Variants in EHMT1 observed in about 807,000 individuals in gnomAD.
EHMT1 encodes euchromatic histone lysine methyltransferase 1, also known as histone-lysine N-methyltransferase EHMT1.
A neutral mutation model predicts 147.2 loss-of-function variants in EHMT1; 15 were observed. That is an observed-to-expected ratio of 0.10 (90% confidence interval 0.07 to 0.16). EHMT1 has a LOEUF of 0.16. EHMT1 is among the 10% of genes least tolerant of loss of function. EHMT1 has a pLI of 1.00. For missense variants in EHMT1, 1,587 were observed against 1,772.4 expected, an observed-to-expected ratio of 0.90 and a Z score of 1.88; for synonymous variants, 795 against 709.6, an observed-to-expected ratio of 1.12 and a Z score of -1.91.
Position 137,716,548 on chromosome 9 carries a change from G to T in EHMT1, c.86-78G>T, listed in dbSNP as rs551904452. 4 of 1,401,078 alleles carry T rather than the reference G, an allele frequency of 2.9e-6. No homozygotes were observed. The East Asian group carries it at 6.9e-5, about 24-fold the overall frequency. 86.8% of individuals were successfully genotyped at this position (1,401,078 alleles called of 1,614,324 possible). On this transcript the variant is annotated intron_variant, in intron 2 of 26. Transcript: ENST00000460843. ...GAGGAAGTTGTGGTGGTGTCATGGT[G>T]GGGGAGGAAGTGGTGGTGGTGGTGG...
At chr9:137,708,957 G>T (rs1246366488) in intron 1 of EHMT1, among the ~76,000 whole-genome samples, 1 of 152,218 alleles carries the variant, frequency 6.6e-6, no homozygotes. Context: ...GATGTGGAAC[G>T]CTGGAGAGCT....
chr9:137,805,224 C>T (rs1953845953), intron 18 of EHMT1, among the ~76,000 whole-genome samples: 1 of 151,950 alleles, frequency 6.6e-6, no homozygotes, highest in African/African-American at 2.4e-5. Flanking sequence ...GTCAGTCGTC[C>T]ATGTGTCAGT....
At chr9:137,806,207 C>T (rs772848377) in intron 18 of EHMT1, among the ~76,000 whole-genome samples, 5 of 152,026 alleles carry the variant, frequency 3.3e-5, no homozygotes, top group South Asian at 2.1e-4. Context: ...GTGATCTGCC[C>T]GCTTTGGCCT....
intron 10 of EHMT1, among the ~76,000 whole-genome samples, chr9:137,773,289 G>A (rs1277203425): frequency 1.3e-5 from 2 of 149,214 alleles, no homozygotes; most frequent in African/African-American, 5.0e-5. Context: ...CCTGAACCAG[G>A]GAGTCACTGC....
intron 1 of EHMT1, among the ~76,000 whole-genome samples, chr9:137,675,922 T>C (rs917252845): frequency 1.3e-5 from 2 of 149,530 alleles, no homozygotes; most frequent in African/African-American, 4.9e-5. Context: ...TAGCTGGGAC[T>C]ACAGGCGCCC....
rs549405137 is a variant in EHMT1, at chr9:137,782,162, G to A, written c.2276-129G>A. 2.8e-5 allele frequency: 23 copies of A among 817,778 alleles called. No homozygotes were observed. The highest frequency in any genetic ancestry group is 2.2e-4 in the African/African-American group (13 of 59,254). The allele number at this position is 817,778 out of a possible 1,614,324, so 50.7% of individuals were successfully genotyped here. ...GAGGATGGTGCTGTGGGCGGGTTCC[G>A]GCGTGGCTCGAGGTGGCTGTTTATG... On this transcript the variant is annotated intron_variant, in intron 14 of 26. Transcript: ENST00000460843. The surrounding 1 kb of genome is among the most constrained non-coding windows in gnomAD (Gnocchi z 5.7).
At position 137,828,451 on chromosome 9, in the gene EHMT1, C is replaced by T. The variant is rs1955969751; in HGVS notation, c.3541-5898C>T. On this transcript the variant is annotated intron_variant, in intron 25 of 26. Transcript: ENST00000460843. This position sits in a 1 kb window ranked among gnomAD's most constrained non-coding sequence, Gnocchi z 5.3. ...CATCCTGACTCTAGGCCCCTCTGGT[C>T]TGGGCAGTGAGGCCAAGCAGAGCAC... Among the ~76,000 whole-genome samples the T allele has an allele frequency of 6.6e-6, 1 of 152,004 alleles. No homozygotes were observed. Among genetic ancestry groups the T allele is most frequent in the Admixed American group, 6.5e-5 (1 of 15,276 alleles).
chr9:137,758,091 T>C (rs1449384378), intron 9 of EHMT1, 80 bp downstream of exon 9: 1 of 1,580,162 alleles, frequency 6.3e-7, no homozygotes, highest in Non-Finnish European at 8.7e-7. Flanking sequence ...ATTAGCATGA[T>C]GCCCCTTGGT....
intron 1 of EHMT1, chr9:137,641,463 C>G (rs1844478593): frequency 2.0e-6 from 1 of 504,626 alleles, no homozygotes; most frequent in Non-Finnish European, 3.9e-6. Context: ...ATCCTCCTCC[C>G]AAGCAGTGCA....
chr9:137,737,110 G>A (rs1947606853), intron 4 of EHMT1, among the ~76,000 whole-genome samples: 1 of 152,124 alleles, frequency 6.6e-6, no homozygotes. Flanking sequence ...AGCCCCAGAG[G>A]CTGAGGTGGG....
chr9:137,800,207 T>C (rs1953341884), intron 17 of EHMT1, among the ~76,000 whole-genome samples: 1 of 152,196 alleles, frequency 6.6e-6, no homozygotes. Context: ...ATGACCCTCA[T>C]TTTCAGAAAA....
At chr9:137,768,527 G>GTTTTTTTTTT (rs1564725367) in intron 10 of EHMT1, among the ~76,000 whole-genome samples, 1 of 28,142 alleles carries the variant, frequency 3.6e-5, no homozygotes, top group Non-Finnish European at 7.8e-5. Flanking sequence ...CTAATTTTTT[G>GTTTTTTTTTT]TATTTTTTTT....
Position 137,716,730 on chromosome 9 carries a change from A to G in EHMT1, c.190A>G (p.Ser64Gly), listed in dbSNP as rs1945348553. The G allele has an allele frequency of 1.9e-6, 3 of 1,612,356 alleles. No homozygotes were observed. The highest frequency in any genetic ancestry group is 2.2e-5 in the South Asian group (2 of 91,094). Reference protein sequence around the residue: ...TNGSCENSDASSHANAAKHTQ... With the variant: ...TNGSCENSDAGSHANAAKHTQ... Reference sequence around the variant, plus strand: ...TGGGTCTTGTGAAAACAGCGATGCCAGCAGTCATGCAAATGCTGCAAAGCA... The same window carrying G: ...TGGGTCTTGTGAAAACAGCGATGCCGGCAGTCATGCAAATGCTGCAAAGCA... The change falls in exon 3 of 27, where the codon AGC becomes GGC. Residue 64 changes from serine (S) to glycine (G), a missense_variant. Transcript: ENST00000460843.
At chr9:137,812,968 G>C (rs752613869) in intron 19 of EHMT1, 38 bp from the exon 20 acceptor site, 1 of 1,612,224 alleles carries the variant, frequency 6.2e-7, no homozygotes, top group Non-Finnish European at 8.5e-7. Flanking sequence ...TTTCAAGTCA[G>C]CTTTAAATGT....
At chr9:137,754,519 T>A (rs1949225709) in intron 8 of EHMT1, among the ~76,000 whole-genome samples, 1 of 145,168 alleles carries the variant, frequency 6.9e-6, no homozygotes, top group African/African-American at 2.6e-5. Context: ...TTTAATTTAA[T>A]TTTTTTTTTT....
At chr9:137,749,650 G>A (rs1471899594) in intron 6 of EHMT1, among the ~76,000 whole-genome samples, 1 of 151,990 alleles carries the variant, frequency 6.6e-6, no homozygotes, top group Non-Finnish European at 1.5e-5. Flanking sequence ...TAATCTCCTT[G>A]GGTTTTCAGC....
intron 1 of EHMT1, chr9:137,646,560 TGTGGGCTGGG>T (rs754483712): frequency 6.4e-5 from 35 of 550,302 alleles, no homozygotes; most frequent in Non-Finnish European, 8.0e-5. Context: ...CCCCCGAGCG[TGTGGGCTGGG>T]GTGGTCTGGG....
chr9:137,669,527 T>TCAC (rs1284384365), intron 1 of EHMT1, among the ~76,000 whole-genome samples: 4 of 108,056 alleles, frequency 3.7e-5, no homozygotes, highest in Admixed American at 1.9e-4. Flanking sequence ...GCACGTGCAC[T>TCAC]CGACTCCTCC....
In EHMT1 at chr9:137,754,402, A is replaced by G. The variant is rs1249984133; in HGVS notation, c.1369+111A>G. 1.0e-5 allele frequency: 15 copies of G among 1,438,942 alleles called. No individual in the cohort carries two copies. The Admixed American group carries it at 3.4e-4, about 33-fold the overall frequency. The allele number at this position is 1,438,942 out of a possible 1,614,324, so 89.1% of individuals were successfully genotyped here. On this transcript the variant is annotated intron_variant, in intron 8 of 26. Coordinates refer to ENST00000460843, the MANE Select transcript of EHMT1 (RefSeq NM_024757.5). ...GGATTTCATTAGAAAAGAGGGCATC[A>G]CTGTTTAAAAAAAATGTTTGAAATG...
Sources: allele counts gnomAD v4.1 joint callset (sites outside exome capture counted in the v4.1 genomes callset), GRCh38; gene constraint gnomAD v4.1.1; non-coding constraint Gnocchi (gnomAD v3.1); transcripts MANE v1.5; gene names NCBI Gene and HGNC (gene_info 2026-07-23, HGNC 2026-07-21).